The following PLCE1 variants were observed in gnomAD, a reference collection of about 807,000 sequenced individuals.
PLCE1 encodes phospholipase C epsilon 1, also known as 1-phosphatidylinositol 4,5-bisphosphate phosphodiesterase epsilon-1.
Under a neutral mutation model 242.8 loss-of-function variants are expected in PLCE1, and 119 were observed. That is an observed-to-expected ratio of 0.49 (90% CI 0.42 to 0.57). The LOEUF is 0.57. PLCE1 is among the 20% of genes least tolerant of loss of function. The pLI, the probability that PLCE1 is intolerant of heterozygous loss-of-function variation, is 0.00. For missense variants in PLCE1, 2,441 were observed against 2,788.8 expected (o/e 0.88, Z 2.81); for synonymous variants, 945 against 1,017.4 (o/e 0.93, Z 1.35).
intron 1 of PLCE1, among the ~76,000 whole-genome samples, chr10:94,008,904 T>A (rs560453077): frequency 6.6e-6 from 1 of 152,264 alleles, no homozygotes; most frequent in African/African-American, 2.4e-5. Context: ...CTGAGCCGTG[T>A]GTATGGGTTT....
At chr10:94,236,387 G>A (rs532698169) in intron 7 of PLCE1, among the ~76,000 whole-genome samples, 2 of 151,918 alleles carry the variant, frequency 1.3e-5, no homozygotes, top group African/African-American at 4.8e-5. Context: ...AAAACCTAGA[G>A]CTATCCTGCC....
At chr10:94,208,359 T>C (rs2049230032) in intron 4 of PLCE1, among the ~76,000 whole-genome samples, 3 of 152,210 alleles carry the variant, frequency 2.0e-5, no homozygotes, top group Admixed American at 2.0e-4. Context: ...CTGAGGGCCA[T>C]CCTACAGAAT....
At position 94,187,682 on chromosome 10, in the gene PLCE1, A is replaced by G. The variant is rs2048526696; in HGVS notation, c.1809+16186A>G. ...TGAGGACTCAGCCGCAGGTCAAAGC[A>G]GTACAGATGCTGTGGGTGATGAGTC... On this transcript the variant is annotated intron_variant, in intron 4 of 32. Transcript: ENST00000371380. 2.0e-5 allele frequency among the ~76,000 whole-genome samples: 3 copies of G among 152,140 alleles called. No homozygotes were observed. The South Asian group carries it at 6.2e-4, about 32-fold the overall frequency.
At chr10:94,225,788 G>A (rs151013662) in intron 4 of PLCE1, among the ~76,000 whole-genome samples, 1 of 152,336 alleles carries the variant, frequency 6.6e-6, no homozygotes, top group East Asian at 1.9e-4. Context: ...GGGTTGCACT[G>A]CCCTCTGTGG....
chr10:94,158,896 G>A (rs1316692576), intron 3 of PLCE1, among the ~76,000 whole-genome samples: 1 of 84,100 alleles, frequency 1.2e-5, no homozygotes, highest in African/African-American at 4.4e-5. Flanking sequence ...CGCTCTTGTT[G>A]CCCAGGCTGG....
intron 2 of PLCE1, among the ~76,000 whole-genome samples, chr10:94,054,001 CAGT>C (rs2043834766): frequency 6.6e-6 from 1 of 152,040 alleles, no homozygotes; most frequent in African/African-American, 2.4e-5. Flanking sequence ...GTAAGAGTGT[CAGT>C]AGAAATTATC....
chr10:94,201,961 T>C (rs1389456141), intron 4 of PLCE1, among the ~76,000 whole-genome samples: 1 of 152,158 alleles, frequency 6.6e-6, no homozygotes, highest in Non-Finnish European at 1.5e-5. Flanking sequence ...AAAATAAAAA[T>C]CTAGCAGATA....
chr10:94,095,572 G>C (rs900277242), intron 2 of PLCE1, among the ~76,000 whole-genome samples: 1 of 152,100 alleles, frequency 6.6e-6, no homozygotes, highest in Non-Finnish European at 1.5e-5. Context: ...TCCCAGGCTG[G>C]AAATTTCTTA....
intron 8 of PLCE1, among the ~76,000 whole-genome samples, chr10:94,251,780 G>T (rs1205240855): frequency 6.6e-6 from 1 of 152,044 alleles, no homozygotes. Context: ...CACTCAAGGG[G>T]ATGGCAGCCC....
chr10:94,016,511 GA>G (rs1374885856), intron 1 of PLCE1, among the ~76,000 whole-genome samples: 1 of 152,150 alleles, frequency 6.6e-6, no homozygotes, highest in African/African-American at 2.4e-5. Context: ...CCAGTCACAT[GA>G]TATCAGGTAT....
At chr10:94,322,094 C>A (rs374509296) in intron 30 of PLCE1, 35 bp downstream of exon 30, 1 of 1,598,056 alleles carries the variant, frequency 6.3e-7, no homozygotes, top group Admixed American at 1.7e-5. Flanking sequence ...TGAGTCCTTT[C>A]CTCAGCATAA....
chr10:94,096,011 C>A (rs1030683964), intron 2 of PLCE1, among the ~76,000 whole-genome samples: 2 of 152,064 alleles, frequency 1.3e-5, no homozygotes, highest in Non-Finnish European at 1.5e-5. Context: ...TTATTGGGGG[C>A]TTCTTGTGAT....
chr10:94,272,852 CTAAT>C (rs1268666383), intron 18 of PLCE1, among the ~76,000 whole-genome samples: 1 of 152,064 alleles, frequency 6.6e-6, no homozygotes, highest in African/African-American at 2.4e-5. Context: ...GCCAACAAAA[CTAAT>C]TAACTTTTCA....
chr10:94,133,846 C>T (rs943563713), intron 3 of PLCE1, among the ~76,000 whole-genome samples: 3 of 152,100 alleles, frequency 2.0e-5, no homozygotes, highest in South Asian at 2.1e-4. Context: ...TAATTCCTGC[C>T]CTCATGGAAT....
At chr10:94,291,031 T>C (rs1485738280) in intron 22 of PLCE1, among the ~76,000 whole-genome samples, 2 of 152,232 alleles carry the variant, frequency 1.3e-5, no homozygotes, top group Non-Finnish European at 2.9e-5. Context: ...TGTTGCTATA[T>C]GGCTAATGAC....
chr10:94,195,402 C>T lies in PLCE1; in HGVS notation c.1809+23906C>T, dbSNP rs565826858. Among the ~76,000 whole-genome samples the T allele has an allele frequency of 4.3e-4, 66 of 152,202 alleles. No homozygotes were observed. In the Middle Eastern group the frequency reaches 0.01, roughly 24 times the overall value. On this transcript the variant is annotated intron_variant, in intron 4 of 32. Transcript: ENST00000371380. Reference sequence around the variant, plus strand: ...CCTAAACCCTGGAGAGCCAAGCCTTCTCCAAACAAGAAAGAAGTCCCTGTG... The same window carrying T: ...CCTAAACCCTGGAGAGCCAAGCCTTTTCCAAACAAGAAAGAAGTCCCTGTG...
chr10:94,183,703 G>T (rs1472215686), intron 4 of PLCE1, among the ~76,000 whole-genome samples: 1 of 152,212 alleles, frequency 6.6e-6, no homozygotes, highest in African/African-American at 2.4e-5. Flanking sequence ...GCTTCTACAG[G>T]CTTTACAGGA....
chr10:94,305,454 A>G (rs1326621713), intron 25 of PLCE1, among the ~76,000 whole-genome samples: 1 of 152,120 alleles, frequency 6.6e-6, no homozygotes, highest in African/African-American at 2.4e-5. Context: ...AAACAACAAC[A>G]GAGACCTGGT....
intron 32 of PLCE1, among the ~76,000 whole-genome samples, chr10:94,327,401 C>G (rs2054065476): frequency 6.6e-6 from 1 of 151,974 alleles, no homozygotes; most frequent in Non-Finnish European, 1.5e-5. Flanking sequence ...TCGAGACCAG[C>G]CTGGCCAACA....
Sources: gnomAD v4.1 joint callset for allele counts (sites outside exome capture counted in the v4.1 genomes callset) on GRCh38, gnomAD v4.1.1 for gene constraint, MANE v1.5 for transcripts, NCBI Gene and HGNC (gene_info 2026-07-23, HGNC 2026-07-21) for gene names.